The following SNX19 variants were observed in gnomAD, a reference collection of about 807,000 sequenced individuals.
SNX19 encodes the protein sorting nexin-19.
SNX19 carries 60 observed loss-of-function variants against 85.2 expected under a neutral mutation model. The ratio of observed to expected loss-of-function variants is 0.70; its 90% CI spans 0.57 to 0.87. The LOEUF is 0.87. Among genes scored for constraint, SNX19 ranks in the 40% least tolerant of loss-of-function variants. The pLI, the probability that SNX19 is intolerant of heterozygous loss-of-function variation, is 0.00. For synonymous variants in SNX19, 520 were observed against 470.0 expected (o/e 1.11, Z -1.38); for missense variants, 1,201 against 1,217.8 (o/e 0.99, Z 0.21).
chr11:130,894,788 T>C (rs753230756), intron 8 of SNX19: 6 of 985,334 alleles, frequency 6.1e-6, no homozygotes, highest in Non-Finnish European at 7.2e-6. Context: ...TCTTAGTGTC[T>C]AGAATATTAT....
intron 8 of SNX19, among the ~76,000 whole-genome samples, chr11:130,890,019 T>C (rs1944388205): frequency 6.6e-6 from 1 of 152,318 alleles, no homozygotes; most frequent in African/African-American, 2.4e-5. Context: ...GGGTGCATCA[T>C]TGATTTTTAT....
intron 5 of SNX19, among the ~76,000 whole-genome samples, chr11:130,907,124 T>C (rs1301137066): frequency 6.6e-6 from 1 of 152,232 alleles, no homozygotes; most frequent in African/African-American, 2.4e-5. Flanking sequence ...TCATGGTGTA[T>C]CCTTTTTGGA....
In SNX19 at chr11:130,911,698, T is replaced by G; in HGVS notation, c.1748A>C (p.Tyr583Ser). ...QLAYHTVNRR[Y>S]REFLNLQTRL... Reference sequence around the variant, plus strand: ...GGTCTGCAGATTCAAGAACTCCCGATAGCGACGATTCACAGTGTGGTAGGC... The same window carrying G: ...GGTCTGCAGATTCAAGAACTCCCGAGAGCGACGATTCACAGTGTGGTAGGC... The change falls in exon 2 of 11, where the codon TAT becomes TCT. Residue 583 changes from tyrosine to serine, a missense_variant. Coordinates refer to ENST00000265909, the MANE Select transcript of SNX19 (RefSeq NM_014758.3). 6.2e-7 allele frequency: 1 copy of G among 1,614,176 alleles called. No individual in the cohort carries two copies. Among genetic ancestry groups the G allele is most frequent in the Non-Finnish European group, 8.5e-7 (1 of 1,180,026 alleles).
At chr11:130,889,063 A>T (rs1944303815) in intron 8 of SNX19, among the ~76,000 whole-genome samples, 1 of 152,124 alleles carries the variant, frequency 6.6e-6, no homozygotes, top group Non-Finnish European at 1.5e-5. Flanking sequence ...AATTACCTAC[A>T]TATATTTTTT....
In SNX19 at chr11:130,910,119, C is replaced by T; in HGVS notation, c.1933G>A (p.Glu645Lys). 6.2e-7 allele frequency: 1 copy of T among 1,614,156 alleles called. No homozygotes were observed. The highest frequency in any genetic ancestry group is 8.5e-7 in the Non-Finnish European group (1 of 1,180,026). The change falls in exon 4 of 11, where the codon GAG (glutamate) becomes AAG (lysine). Residue 645 changes from glutamate to lysine, a missense_variant. Physicochemically the swap from Glu to Lys is moderately conservative, Grantham distance 56 (BLOSUM62 1). Transcript: ENST00000265909. ...SFLKQLCAIP[E>K]IANSEEVQEF... is the part of the protein sequence containing the mutation. ...TGCACCTCCTCACTGTTAGCGATCT[C>T]CGGAATGGCACAGAGTTGCTGCAAA...
At chr11:130,889,151 C>A (rs1329838547) in intron 8 of SNX19, among the ~76,000 whole-genome samples, 1 of 152,120 alleles carries the variant, frequency 6.6e-6, no homozygotes, top group Admixed American at 6.5e-5. Context: ...AACCTCAGCT[C>A]CTTCTGAGTT....
chr11:130,907,864 G>A, intron 5 of SNX19, 89 bp downstream of exon 5: 2 of 1,564,850 alleles, frequency 1.3e-6, no homozygotes, highest in Non-Finnish European at 1.7e-6. Context: ...CTTTCCTCTA[G>A]GGCTTGAGAA....
Position 130,915,890 on chromosome 11 carries a change from C to A in SNX19, c.50G>T (p.Ser17Ile). 6.2e-7 allele frequency: 1 copy of A among 1,614,136 alleles called. No individual in the cohort carries two copies. The highest frequency in any genetic ancestry group is 8.5e-7 in the Non-Finnish European group (1 of 1,179,966). The change falls in exon 1 of 11, where the codon AGC becomes ATC. Residue 17 changes from serine to isoleucine, a missense_variant. Physicochemically the swap from Ser to Ile is moderately radical, Grantham distance 142. Coordinates refer to ENST00000265909, the MANE Select transcript of SNX19 (RefSeq NM_014758.3). ...PPFQETPAGS[S>I]CHLNNLLSSR... The stretch of plus-strand genomic sequence containing the variant: ...ACTCAACAGGTTATTGAGGTGACAG[C>A]TCGATCCAGCTGGAGTTTCCTGGAA...
At position 130,870,490 on chromosome 11, in the gene SNX19, T is replaced by C. The variant is rs1942979473; in HGVS notation, c.*7932A>G. ...ACAGATCCACTGAAAAGGAAACTTT[T>C]TGGGTTCCCACCCACACGCAAGATG... On this transcript the variant is annotated 3_prime_UTR_variant, in exon 11 of 11. Coordinates refer to ENST00000265909, the MANE Select transcript of SNX19 (RefSeq NM_014758.3). 6.6e-6 allele frequency among the ~76,000 whole-genome samples: 1 copy of C among 152,236 alleles called. No homozygotes were observed. The highest frequency in any genetic ancestry group is 2.4e-5 in the African/African-American group (1 of 41,466).
Position 130,915,145 on chromosome 11 carries a change from C to G in SNX19, c.795G>C (p.Val265=), listed in dbSNP as rs1946452452. 6.2e-7 allele frequency: 1 copy of G among 1,613,984 alleles called. No individual in the cohort carries two copies. Among genetic ancestry groups the G allele is most frequent in the Non-Finnish European group, 8.5e-7 (1 of 1,179,912 alleles). The stretch of plus-strand genomic sequence containing the variant: ...GATCTCTGGCCTTGGAAAAGATACC[C>G]ACGAGTACAAGGTGGATCCAGTCAG... ...SDPDWIHLVL[V]GIFSKARDPA... Residue 265 remains valine (V), a synonymous_variant, in exon 1 of 11, where the codon GTG becomes GTC. Coordinates refer to ENST00000265909, the MANE Select transcript of SNX19 (RefSeq NM_014758.3).
At chr11:130,909,703 C>T (rs1945942547) in intron 4 of SNX19, among the ~76,000 whole-genome samples, 1 of 152,214 alleles carries the variant, frequency 6.6e-6, no homozygotes, top group South Asian at 2.1e-4. Context: ...TGCCAGCTAT[C>T]TGTGAAGACA....
chr11:130,880,847 G>C, intron 8 of SNX19, 41 bp from the exon 9 acceptor site: 1 of 1,487,830 alleles, frequency 6.7e-7, no homozygotes, highest in Non-Finnish European at 9.1e-7. Context: ...AAAGCTGAAG[G>C]AAAGGAAATA....
intron 1 of SNX19, among the ~76,000 whole-genome samples, chr11:130,913,395 T>C (rs1156469884): frequency 6.6e-6 from 1 of 152,272 alleles, no homozygotes; most frequent in Non-Finnish European, 1.5e-5. Context: ...TTCACCCATA[T>C]GCATTTCTAA....
chr11:130,909,959 A>T, intron 4 of SNX19, 59 bp downstream of exon 4: 1 of 1,605,070 alleles, frequency 6.2e-7, no homozygotes. Context: ...CTCCATTCTG[A>T]TGAATCCTCC....
intron 8 of SNX19, among the ~76,000 whole-genome samples, chr11:130,899,079 T>G (rs1231028152): frequency 6.6e-6 from 1 of 152,230 alleles, no homozygotes; most frequent in Non-Finnish European, 1.5e-5. Context: ...AGGGTCATAG[T>G]ACCGCTTTCG....
At position 130,868,255 on chromosome 11, in the gene SNX19, A is replaced by C. The variant is rs1048700263; in HGVS notation, c.*10167T>G. The stretch of plus-strand genomic sequence containing the variant: ...AAGAGAATTAGCCTCCTTTGGTGTT[A>C]CTGCTCCTTCCCACTTTAGCTCAGC... On this transcript the variant is annotated 3_prime_UTR_variant, in exon 11 of 11. Transcript: ENST00000265909. 1 of 152,168 alleles carries C rather than the reference A, an allele frequency of 6.6e-6. No homozygotes were observed. The highest frequency in any genetic ancestry group is 1.5e-5 in the Non-Finnish European group (1 of 68,030). 9.4% of individuals were successfully genotyped at this position (152,168 alleles called of 1,614,324 possible).
In SNX19 at chr11:130,874,636, T is replaced by G. The variant is rs1011704592; in HGVS notation, c.*3786A>C. 1.3e-5 allele frequency among the ~76,000 whole-genome samples: 2 copies of G among 152,218 alleles called. No homozygotes were observed. The highest frequency in any genetic ancestry group is 2.9e-5 in the Non-Finnish European group (2 of 68,038). On this transcript the variant is annotated 3_prime_UTR_variant, in exon 11 of 11. Coordinates refer to ENST00000265909, the MANE Select transcript of SNX19 (RefSeq NM_014758.3). ...CATAATTTAATTCTTGTCCAGAGCA[T>G]CCTGATTCATATAGCCAGGGACCAT...
At chr11:130,895,244 T>C (rs1944798459) in intron 8 of SNX19, 1 of 985,350 alleles carries the variant, frequency 1.0e-6, no homozygotes, top group Non-Finnish European at 1.2e-6. Flanking sequence ...GCTCTGGGAA[T>C]CAGAATTCCC....
chr11:130,910,356 T>C lies in SNX19; in HGVS notation c.1828A>G (p.Lys610Glu). Residue 610 changes from lysine (K) to glutamate (E), a missense_variant, in exon 3 of 11, where the codon AAA becomes GAA. Transcript: ENST00000265909. ...AATGGAAGATCTGGAAAGAGCTTTT[T>C]AGGACCCTTCACATCTTCCAAAAAA... ...RKFIKNVKGP[K>E]KLFPDLPLGN... 6.2e-7 allele frequency: 1 copy of C among 1,604,600 alleles called. No individual in the cohort carries two copies. Among genetic ancestry groups the C allele is most frequent in the Non-Finnish European group, 8.5e-7 (1 of 1,177,164 alleles).
Sources: gnomAD v4.1 joint callset for allele counts (sites outside exome capture counted in the v4.1 genomes callset) on GRCh38, gnomAD v4.1.1 for gene constraint, MANE v1.5 for transcripts, NCBI Gene and HGNC (gene_info 2026-07-23, HGNC 2026-07-21) for gene names.